Variants in RMDN3 observed in about 807,000 individuals in gnomAD.
RMDN3 encodes the protein regulator of microtubule dynamics 3.
Under a neutral mutation model 61.8 loss-of-function variants are expected in RMDN3, and 41 were observed. The observed-to-expected ratio is 0.66, with a 90% CI of 0.52 to 0.86. The LOEUF (loss-of-function observed/expected upper bound fraction) is 0.86, where lower values mean the gene tolerates loss of function less well. Ranked by LOEUF, RMDN3 falls within the 40% of genes least tolerant of loss-of-function variation. The pLI, the probability that RMDN3 is intolerant of heterozygous loss-of-function variation, is 0.00. For missense variants in RMDN3, 557 were observed against 585.3 expected (o/e 0.95, Z 0.50); for synonymous variants, 247 against 232.0 (o/e 1.06, Z -0.59).
chr15:40,748,907 A>ATT lies in RMDN3; in HGVS notation c.524+2517_524+2518dup, dbSNP rs60673924. Among the ~76,000 whole-genome samples the ATT allele has an allele frequency of 4.3e-3, 599 of 140,302 alleles. 3 individuals carry two copies. The highest frequency in any genetic ancestry group is 6.3e-3 in the African/African-American group (236 of 37,524). 92.0% of individuals were successfully genotyped at this position (140,302 alleles called of 152,430 possible). A position where few individuals can be genotyped will look rare whatever the true frequency, so the allele number is the denominator to read the frequency against. On this transcript the variant is annotated intron_variant, in intron 4 of 12. Transcript: ENST00000338376. ...GAGCCTCCACACCCCAGCCTCAGTA[A>ATT]TTTTTTTTTTTTTTGAGACAGAGTA...
Position 40,744,977 on chromosome 15 carries a change from C to T in RMDN3, c.807G>A (p.Val269=). The change falls in exon 5 of 13, where the codon GTG becomes GTA. Residue 269 remains valine, a splice_region_variant and synonymous_variant. Transcript: ENST00000338376. The part of the protein sequence containing the change: ...GFQLLLNNKL[V]YGSRQDFLWR... ...AGGAGACAGGCAGCTGGAGCCTCAC[C>T]ACCAGCTTGTTGTTGAGCAGCAGCT... The T allele has an allele frequency of 5.0e-6, 8 of 1,596,224 alleles. No homozygotes were observed. The highest frequency in any genetic ancestry group is 6.8e-6 in the Non-Finnish European group (8 of 1,169,034).
At chr15:40,752,213 C>A in intron 2 of RMDN3, 35 bp from the exon 3 acceptor site, 2 of 1,598,238 alleles carry the variant, frequency 1.3e-6, no homozygotes, top group Non-Finnish European at 1.7e-6. Flanking sequence ...CAGTGACACA[C>A]AGGAATATGG....
At chr15:40,746,197 A>G (rs1204590181) in intron 4 of RMDN3, among the ~76,000 whole-genome samples, 2 of 152,132 alleles carry the variant, frequency 1.3e-5, no homozygotes, top group Non-Finnish European at 2.9e-5. Context: ...TGAGCAGGGG[A>G]AAAGGTAGGA....
At chr15:40,751,081 G>A (rs762998547) in intron 4 of RMDN3, among the ~76,000 whole-genome samples, 2 of 152,208 alleles carry the variant, frequency 1.3e-5, no homozygotes, top group Non-Finnish European at 1.5e-5. Context: ...AGCATGCTTC[G>A]TGCTTAGACA....
chr15:40,752,193 G>A lies in RMDN3; in HGVS notation c.188-15C>T, dbSNP rs1897859230. On this transcript the variant is annotated splice_polypyrimidine_tract_variant and intron_variant, in intron 2 of 12. Coordinates refer to ENST00000338376, the MANE Select transcript of RMDN3 (RefSeq NM_018145.3). ...CAGGAGCATCACTGAAGGGGGAAACGAATGGGAGCCAGTGACACACAGGAA... is the reference window on the plus strand; with the variant it reads ...CAGGAGCATCACTGAAGGGGGAAACAAATGGGAGCCAGTGACACACAGGAA... 2.5e-6 allele frequency: 4 copies of A among 1,608,096 alleles called. No homozygotes were observed. Among genetic ancestry groups the A allele is most frequent in the African/African-American group, 1.3e-5 (1 of 74,890 alleles).
chr15:40,744,500 T>TGGG (rs61645498), intron 5 of RMDN3, among the ~76,000 whole-genome samples: 2,571 of 130,976 alleles, frequency 0.02, 61 homozygotes, highest in African/African-American at 0.07. Context: ...TTCTAACTTC[T>TGGG]GGGGGGGGGG....
Position 40,736,443 on chromosome 15 carries a change from G to T in RMDN3, c.*98C>A. 2.9e-6 allele frequency: 3 copies of T among 1,048,062 alleles called. No individual in the cohort carries two copies. The highest frequency in any genetic ancestry group is 2.7e-5 in the South Asian group (2 of 75,086). 64.9% of individuals were successfully genotyped at this position (1,048,062 alleles called of 1,614,324 possible). ...GCAGTCAGACCCAGGAGACAGATTT[G>T]TGTGGTTTCCTGATCTCAGCAAGGT... On this transcript the variant is annotated 3_prime_UTR_variant, in exon 13 of 13. Transcript: ENST00000338376.
intron 2 of RMDN3, among the ~76,000 whole-genome samples, chr15:40,752,896 C>G (rs566639588): frequency 4.7e-4 from 71 of 152,252 alleles, no homozygotes; most frequent in Non-Finnish European, 9.0e-4. Context: ...ATACGGCAAG[C>G]ATAAATCCCT....
chr15:40,753,094 CA>C (rs2141927963), intron 2 of RMDN3, among the ~76,000 whole-genome samples: 1 of 152,274 alleles, frequency 6.6e-6, no homozygotes, highest in East Asian at 1.9e-4. Context: ...TAGATTACCA[CA>C]AGATTATAAA....
chr15:40,744,227 C>G (rs1897403995), intron 5 of RMDN3, 78 bp from the exon 6 acceptor site: 1 of 1,348,506 alleles, frequency 7.4e-7, no homozygotes, highest in Admixed American at 1.7e-5. Flanking sequence ...TCCCCCACAC[C>G]CTAGGTTTGA....
chr15:40,738,859 TC>T, intron 7 of RMDN3: 1 of 467,600 alleles, frequency 2.1e-6, no homozygotes, highest in Non-Finnish European at 3.8e-6. Flanking sequence ...AGTAAATCTC[TC>T]CTACACTCAT....
chr15:40,742,171 GTTTTT>G (rs896797307), intron 6 of RMDN3, among the ~76,000 whole-genome samples: 14 of 134,966 alleles, frequency 1.0e-4, no homozygotes, highest in African/African-American at 3.9e-4. Flanking sequence ...AATTTTTTAA[GTTTTT>G]TTTTTTTTTT....
rs1056476744 is a variant in RMDN3 at position 40,737,463 on chromosome 15, A to G, written c.1225-122T>C. On this transcript the variant is annotated intron_variant, in intron 10 of 12. Transcript: ENST00000338376. ...TGATTCAGTGGGTCTGAAGAAACCTATATTTTTGATAAGCTGTGCAAGTGA... is the reference window on the plus strand; with the variant it reads ...TGATTCAGTGGGTCTGAAGAAACCTGTATTTTTGATAAGCTGTGCAAGTGA... 37 of 1,147,466 alleles carry G rather than the reference A, an allele frequency of 3.2e-5. No homozygotes were observed. The East Asian group carries it at 4.5e-4, about 14-fold the overall frequency. 71.1% of individuals were successfully genotyped at this position (1,147,466 alleles called of 1,614,324 possible). A position where few individuals can be genotyped will look rare whatever the true frequency, so the allele number is the denominator to read the frequency against.
At position 40,738,925 on chromosome 15, in the gene RMDN3, C is replaced by G. The variant is rs567088553; in HGVS notation, c.972-349G>C. On this transcript the variant is annotated intron_variant, in intron 7 of 12. Coordinates refer to ENST00000338376, the MANE Select transcript of RMDN3 (RefSeq NM_018145.3). The stretch of plus-strand genomic sequence containing the variant: ...ACTTGAAAAGCATGAAAACAATCAG[C>G]ATAAAAGTATGAGACCTGACTATAC... 5.5e-5 allele frequency: 14 copies of G among 253,882 alleles called. No individual in the cohort carries two copies. The East Asian group carries it at 1.2e-3, about 21-fold the overall frequency. 15.7% of individuals were successfully genotyped at this position (253,882 alleles called of 1,614,324 possible).
intron 7 of RMDN3, 42 bp from the exon 8 acceptor site, chr15:40,738,618 C>T: frequency 6.3e-7 from 1 of 1,599,036 alleles, no homozygotes; most frequent in Non-Finnish European, 8.6e-7. Context: ...GGCTGAGTAC[C>T]ATCACTGCAA....
chr15:40,751,961 C>A, intron 3 of RMDN3, 25 bp downstream of exon 3: 1 of 1,606,146 alleles, frequency 6.2e-7, no homozygotes. Flanking sequence ...AGGGATAAAG[C>A]AGGAGAAGAA....
At chr15:40,738,650 G>T (rs1240482867) in intron 7 of RMDN3, 74 bp from the exon 8 acceptor site, 2 of 1,450,814 alleles carry the variant, frequency 1.4e-6, no homozygotes, top group Non-Finnish European at 1.9e-6. Flanking sequence ...CCCAACCACA[G>T]CCTAGTTGCA....
intron 6 of RMDN3, 63 bp downstream of exon 6, chr15:40,743,984 G>T: frequency 7.0e-7 from 1 of 1,429,088 alleles, no homozygotes. Flanking sequence ...TCCCCAGGCA[G>T]ATGGGCCAGC....
intron 4 of RMDN3, among the ~76,000 whole-genome samples, chr15:40,750,485 T>G (rs2141923753): frequency 6.6e-6 from 1 of 151,988 alleles, no homozygotes; most frequent in South Asian, 2.1e-4. Context: ...CTCCCCCAGG[T>G]AGTTATTTTA....
Sources: allele counts gnomAD v4.1 joint callset (sites outside exome capture counted in the v4.1 genomes callset), GRCh38; gene constraint gnomAD v4.1.1; transcripts MANE v1.5; gene names NCBI Gene and HGNC (gene_info 2026-07-23, HGNC 2026-07-21).